ZBTB7C: variants seen among roughly 807,000 people sequenced by gnomAD.
ZBTB7C encodes zinc finger and BTB domain containing 7C.
ZBTB7C carries 8 observed loss-of-function variants against 25.7 expected under a neutral mutation model. The observed-to-expected ratio is 0.31, with a 90% confidence interval of 0.18 to 0.56. The LOEUF is 0.56. Among genes scored for constraint, ZBTB7C ranks in the 20% least tolerant of loss-of-function variants. ZBTB7C has a pLI of 0.91. For synonymous variants in ZBTB7C, 394 were observed against 369.0 expected (o/e 1.07, Z -0.78); for missense variants, 824 against 855.2 (o/e 0.96, Z 0.46).
chr18:48,304,240 A>G (rs149145241), intron 2 of ZBTB7C, among the ~76,000 whole-genome samples: 10 of 152,378 alleles, frequency 6.6e-5, no homozygotes, highest in South Asian at 2.1e-4. Context: ...TGTACCCCCA[A>G]TCACAAAACA....
At chr18:48,384,120 C>T (rs1414729137) in intron 1 of ZBTB7C, among the ~76,000 whole-genome samples, 1 of 152,154 alleles carries the variant, frequency 6.6e-6, no homozygotes, top group Non-Finnish European at 1.5e-5. Context: ...GACTAGAGAA[C>T]TGCTTCATTG....
chr18:48,410,255 G>A (rs1038294047), upstream of ZBTB7C, among the ~76,000 whole-genome samples: 2 of 151,822 alleles, frequency 1.3e-5, no homozygotes, highest in African/African-American at 2.4e-5. Context: ...AATCTCAGCG[G>A]GCAATCGCGC....
At chr18:48,061,537 G>A (rs1157429600) in intron 3 of ZBTB7C, among the ~76,000 whole-genome samples, 1 of 152,184 alleles carries the variant, frequency 6.6e-6, no homozygotes, top group Non-Finnish European at 1.5e-5. Flanking sequence ...AATTCCATCA[G>A]CATACTCAAC....
chr18:48,052,163 G>A (rs1288653326), intron 3 of ZBTB7C, among the ~76,000 whole-genome samples: 1 of 152,168 alleles, frequency 6.6e-6, no homozygotes, highest in Non-Finnish European at 1.5e-5. Context: ...ATGGCCTCAG[G>A]CTGCCTTCAC....
At chr18:48,053,597 C>T (rs1274861329) in intron 3 of ZBTB7C, among the ~76,000 whole-genome samples, 1 of 152,148 alleles carries the variant, frequency 6.6e-6, no homozygotes, top group East Asian at 1.9e-4. Context: ...CCCCATTTTT[C>T]AAGTAGGGAA....
intron 1 of ZBTB7C, among the ~76,000 whole-genome samples, chr18:48,398,512 C>T (rs1468068930): frequency 2.6e-5 from 4 of 152,140 alleles, no homozygotes; most frequent in Admixed American, 6.5e-5. Context: ...TCCCTGATAC[C>T]CTGCACCTCA....
chr18:48,116,027 A>G (rs1286082034), intron 3 of ZBTB7C, among the ~76,000 whole-genome samples: 1 of 152,092 alleles, frequency 6.6e-6, no homozygotes, highest in African/African-American at 2.4e-5. Context: ...CTTCGCGCCT[A>G]TATATACATG....
At chr18:48,211,201 A>T (rs1369369371) in intron 2 of ZBTB7C, among the ~76,000 whole-genome samples, 1 of 152,202 alleles carries the variant, frequency 6.6e-6, no homozygotes, top group African/African-American at 2.4e-5. Flanking sequence ...TGGGTGAATC[A>T]TAGACCTAAA....
chr18:48,094,317 T>C (rs1415779803), intron 3 of ZBTB7C, among the ~76,000 whole-genome samples: 1 of 152,184 alleles, frequency 6.6e-6, no homozygotes, highest in Non-Finnish European at 1.5e-5. Flanking sequence ...GGGCAGCTAA[T>C]GTTGGGGGTG....
At chr18:48,048,057 TC>T (rs2036543451) in intron 3 of ZBTB7C, among the ~76,000 whole-genome samples, 1 of 152,090 alleles carries the variant, frequency 6.6e-6, no homozygotes, top group African/African-American at 2.4e-5. Context: ...TTTGGACCCT[TC>T]CCCTGGGAGG....
At chr18:48,049,474 C>T (rs1336636838) in intron 3 of ZBTB7C, among the ~76,000 whole-genome samples, 1 of 152,092 alleles carries the variant, frequency 6.6e-6, no homozygotes, top group Admixed American at 6.5e-5. Context: ...AGGATGCCAG[C>T]AAGTAGGAAC....
chr18:48,113,686 CT>C (rs113025726), intron 3 of ZBTB7C, among the ~76,000 whole-genome samples: 12,746 of 152,320 alleles, frequency 0.084, 1,526 homozygotes, highest in African/African-American at 0.27. Flanking sequence ...TCATTTTATC[CT>C]CAGGCTGAGC....
At chr18:48,167,707 CA>C (rs2041315308) in intron 3 of ZBTB7C, among the ~76,000 whole-genome samples, 1 of 152,134 alleles carries the variant, frequency 6.6e-6, no homozygotes, top group East Asian at 1.9e-4. Context: ...AGGATGAGCC[CA>C]AACAGGATTA....
chr18:48,367,685 C>T (rs1054435280), intron 1 of ZBTB7C, among the ~76,000 whole-genome samples: 1 of 152,026 alleles, frequency 6.6e-6, no homozygotes, highest in Non-Finnish European at 1.5e-5. Flanking sequence ...CCCATGTCAG[C>T]AAAGGCCACA....
intron 2 of ZBTB7C, among the ~76,000 whole-genome samples, chr18:48,188,346 T>C (rs2042114155): frequency 6.6e-6 from 1 of 152,180 alleles, no homozygotes; most frequent in Non-Finnish European, 1.5e-5. Context: ...AACACATCCT[T>C]CTTCACATAG....
Position 48,259,052 on chromosome 18 carries a change from C to T in ZBTB7C, c.-78-73057G>A, listed in dbSNP as rs2044097516. Among the ~76,000 whole-genome samples, 4 of 152,072 alleles carry T rather than the reference C, an allele frequency of 2.6e-5. No homozygotes were observed. In the South Asian group the frequency reaches 6.2e-4, roughly 24 times the overall value. On this transcript the variant is annotated intron_variant, in intron 2 of 4. Coordinates refer to ENST00000590800, the MANE Select transcript of ZBTB7C (RefSeq NM_001318841.2). ...GCAACCTCCACCTCCCAGGTTTAAG[C>T]GATTCTCAGACCTCAGCCTCCCAAG...
chr18:48,108,719 A>G (rs1322516379), intron 3 of ZBTB7C, among the ~76,000 whole-genome samples: 1 of 152,056 alleles, frequency 6.6e-6, no homozygotes, highest in Non-Finnish European at 1.5e-5. Flanking sequence ...TACAGGCATG[A>G]GCCATTCTGC....
At chr18:48,295,111 C>T (rs796205236) in intron 2 of ZBTB7C, among the ~76,000 whole-genome samples, 6 of 152,280 alleles carry the variant, frequency 3.9e-5, no homozygotes, top group African/African-American at 1.2e-4. Flanking sequence ...TCTTTCCCCT[C>T]CACAGGGGAG....
chr18:48,125,495 C>G (rs1032612241), intron 3 of ZBTB7C, among the ~76,000 whole-genome samples: 9 of 152,218 alleles, frequency 5.9e-5, no homozygotes, highest in African/African-American at 2.2e-4. Flanking sequence ...GGACAGCCCT[C>G]TGTGCCATGG....
Sources: gnomAD v4.1 joint callset for allele counts (sites outside exome capture counted in the v4.1 genomes callset) on GRCh38, gnomAD v4.1.1 for gene constraint, MANE v1.5 for transcripts, NCBI Gene and HGNC (gene_info 2026-07-23, HGNC 2026-07-21) for gene names.